SERGEF: variants seen among roughly 807,000 people sequenced by gnomAD.
SERGEF encodes the protein secretion regulating guanine nucleotide exchange factor.
SERGEF carries 51 observed loss-of-function variants against 50.0 expected under a neutral mutation model. That is an observed-to-expected ratio of 1.02 (90% confidence interval 0.81 to 1.29). The LOEUF (loss-of-function observed/expected upper bound fraction) is 1.29, where lower values mean the gene tolerates loss of function less well. Ranked by LOEUF, SERGEF falls within the 50% of genes most tolerant of loss-of-function variation. The pLI, the probability that SERGEF is intolerant of heterozygous loss-of-function variation, is 0.00. For synonymous variants in SERGEF, 205 were observed against 212.4 expected, an observed-to-expected ratio of 0.97 and a Z score of 0.30; for missense variants, 521 against 557.0, an observed-to-expected ratio of 0.94 and a Z score of 0.65.
chr11:17,812,982 T>C (rs1849902096), intron 10 of SERGEF, among the ~76,000 whole-genome samples: 1 of 152,166 alleles, frequency 6.6e-6, no homozygotes, highest in Non-Finnish European at 1.5e-5. Flanking sequence ...CTCACTACTT[T>C]TCTGCCAACA....
In SERGEF at chr11:17,978,457, G is replaced by C. The variant is rs187724783; in HGVS notation, c.844+10140C>G. ...TCCAGAGAACTGAGGAGGAGAACTG[G>C]ACAGGGCAGAGGCGAGCAGAAAAGA... On this transcript the variant is annotated intron_variant, in intron 8 of 10. Coordinates refer to ENST00000265965, the MANE Select transcript of SERGEF (RefSeq NM_012139.4). Among the ~76,000 whole-genome samples the C allele has an allele frequency of 2.9e-3, 444 of 152,312 alleles. 4 individuals are homozygous for C. The highest frequency in any genetic ancestry group is 1.0e-2 in the African/African-American group (414 of 41,554).
intron 4 of SERGEF, among the ~76,000 whole-genome samples, chr11:18,003,171 G>T (rs1024782783): frequency 6.6e-6 from 1 of 152,112 alleles, no homozygotes; most frequent in African/African-American, 2.4e-5. Context: ...TTTCTCTAGG[G>T]AAAAAACATC....
chr11:17,903,849 G>C (rs998924443), intron 9 of SERGEF, among the ~76,000 whole-genome samples: 7 of 152,224 alleles, frequency 4.6e-5, no homozygotes, highest in Admixed American at 2.6e-4. Flanking sequence ...GTAGGGAAGA[G>C]GACAGCCGTG....
intron 10 of SERGEF, among the ~76,000 whole-genome samples, chr11:17,831,860 C>G (rs1224917854): frequency 1.3e-5 from 2 of 152,158 alleles, no homozygotes; most frequent in Non-Finnish European, 2.9e-5. Flanking sequence ...TTCCAAAGCC[C>G]TAATTAAAGA....
In SERGEF at chr11:17,995,854, C is replaced by A; in HGVS notation, c.564G>T (p.Leu188Phe). The A allele has an allele frequency of 6.2e-7, 1 of 1,614,116 alleles. No homozygotes were observed. The highest frequency in any genetic ancestry group is 8.5e-7 in the Non-Finnish European group (1 of 1,180,000). ...ACAATGGAAGAGTCTGCCCAGGGCA[C>A]AACCGTCGTCCACATGATGCCAAAC... ...GTGLASCGRRLCPGQTLPLFF... is the reference protein window; with the variant it reads ...GTGLASCGRRFCPGQTLPLFF... Residue 188 changes from leucine to phenylalanine, a missense_variant, in exon 6 of 11, where the codon TTG becomes TTT. Leu to Phe is a conservative substitution (Grantham distance 22, BLOSUM62 0). Transcript: ENST00000265965.
At chr11:17,900,627 T>C (rs1418453753) in intron 9 of SERGEF, among the ~76,000 whole-genome samples, 1 of 152,190 alleles carries the variant, frequency 6.6e-6, no homozygotes, top group African/African-American at 2.4e-5. Context: ...AGCGGAGAAG[T>C]ACAACATACT....
chr11:17,844,469 C>T (rs1850564356), intron 10 of SERGEF, among the ~76,000 whole-genome samples: 1 of 152,170 alleles, frequency 6.6e-6, no homozygotes. Context: ...CTGACCACCT[C>T]TTTCCTAGGC....
At chr11:17,964,370 G>C (rs1590221760) in intron 8 of SERGEF, among the ~76,000 whole-genome samples, 2 of 152,202 alleles carry the variant, frequency 1.3e-5, no homozygotes, top group Middle Eastern at 6.8e-3. Context: ...AGGTGCTGCA[G>C]CCATAGCTAT....
intron 9 of SERGEF, among the ~76,000 whole-genome samples, chr11:17,925,652 A>G (rs1852236815): frequency 6.6e-6 from 1 of 152,212 alleles, no homozygotes; most frequent in South Asian, 2.1e-4. Context: ...CAAGGGCTCA[A>G]TTTGGTAAAA....
intron 9 of SERGEF, among the ~76,000 whole-genome samples, chr11:17,895,071 C>A (rs1851595719): frequency 6.6e-6 from 1 of 152,308 alleles, no homozygotes; most frequent in South Asian, 2.1e-4. Context: ...GTGCACAGAG[C>A]CCAAGAATCT....
chr11:17,981,990 AG>A (rs889213338), intron 8 of SERGEF, among the ~76,000 whole-genome samples: 29 of 152,186 alleles, frequency 1.9e-4, no homozygotes, highest in Admixed American at 1.0e-3. Flanking sequence ...TTTGTTGTAG[AG>A]ACAGAGTTTT....
chr11:17,850,664 T>C (rs1850694554), intron 10 of SERGEF, among the ~76,000 whole-genome samples: 1 of 152,236 alleles, frequency 6.6e-6, no homozygotes, highest in Admixed American at 6.5e-5. Context: ...GTTAATACTC[T>C]GAGAAAAATC....
chr11:17,870,590 T>G (rs892981079), intron 10 of SERGEF, among the ~76,000 whole-genome samples: 1 of 152,248 alleles, frequency 6.6e-6, no homozygotes, highest in South Asian at 2.1e-4. Context: ...AACTTGAAGA[T>G]AATACATTTG....
At chr11:17,917,552 A>C (rs1479434930) in intron 9 of SERGEF, among the ~76,000 whole-genome samples, 1 of 152,230 alleles carries the variant, frequency 6.6e-6, no homozygotes, top group African/African-American at 2.4e-5. Flanking sequence ...CCTGTTCCCC[A>C]AAAATCTATG....
chr11:17,914,865 T>C (rs1019296665), intron 9 of SERGEF, among the ~76,000 whole-genome samples: 1 of 152,210 alleles, frequency 6.6e-6, no homozygotes, highest in Non-Finnish European at 1.5e-5. Context: ...AGGGCCCTGC[T>C]CTCATGGAGT....
chr11:17,797,989 T>G (rs1286720863), intron 10 of SERGEF, among the ~76,000 whole-genome samples: 1 of 151,732 alleles, frequency 6.6e-6, no homozygotes, highest in Non-Finnish European at 1.5e-5. Flanking sequence ...CCTGGAGAAT[T>G]TGTGTGGTGG....
At chr11:17,992,005 A>T (rs995397343) in intron 7 of SERGEF, among the ~76,000 whole-genome samples, 1 of 152,210 alleles carries the variant, frequency 6.6e-6, no homozygotes, top group African/African-American at 2.4e-5. Flanking sequence ...GGTCAGGGCA[A>T]TGTGGGCCAA....
chr11:17,817,772 A>G (rs866373529), intron 10 of SERGEF, among the ~76,000 whole-genome samples: 3 of 152,214 alleles, frequency 2.0e-5, no homozygotes, highest in African/African-American at 7.2e-5. Context: ...GCACTCTGCT[A>G]AGATCACATA....
At chr11:17,965,535 C>G (rs901714753) in intron 8 of SERGEF, among the ~76,000 whole-genome samples, 2 of 152,142 alleles carry the variant, frequency 1.3e-5, no homozygotes, top group Admixed American at 1.3e-4. Flanking sequence ...TTCCTCTGTG[C>G]AACAATCTCA....
Sources: gnomAD v4.1 joint callset for allele counts (sites outside exome capture counted in the v4.1 genomes callset) on GRCh38, gnomAD v4.1.1 for gene constraint, MANE v1.5 for transcripts, NCBI Gene and HGNC (gene_info 2026-07-23, HGNC 2026-07-21) for gene names.